Variants in ERBB4 observed in about 807,000 individuals in gnomAD.
ERBB4 encodes erb-b2 receptor tyrosine kinase 4.
In ERBB4, 42 loss-of-function variants were observed where a neutral mutation model predicts 158.0. That is an observed-to-expected ratio of 0.27 (90% CI 0.21 to 0.34). The LOEUF is 0.34. Ranked by LOEUF, ERBB4 falls within the 10% of genes least tolerant of loss-of-function variation. ERBB4 has a pLI of 1.00. For synonymous variants in ERBB4, 583 were observed against 558.7 expected (o/e 1.04, Z -0.61); for missense variants, 1,333 against 1,624.1 (o/e 0.82, Z 3.08).
intron 2 of ERBB4, among the ~76,000 whole-genome samples, chr2:212,034,977 A>G (rs2076980919): frequency 6.6e-6 from 1 of 152,170 alleles, no homozygotes; most frequent in Non-Finnish European, 1.5e-5. Context: ...TTCCTTGCTG[A>G]TTCATTATTT....
chr2:212,229,986 A>G (rs1450483000), intron 1 of ERBB4, among the ~76,000 whole-genome samples: 1 of 152,182 alleles, frequency 6.6e-6, no homozygotes, highest in African/African-American at 2.4e-5. Context: ...AACAGAAATC[A>G]GAATATAGGC....
At chr2:211,716,324 T>G (rs1313171099) in intron 7 of ERBB4, among the ~76,000 whole-genome samples, 1 of 126,738 alleles carries the variant, frequency 7.9e-6, no homozygotes, top group Admixed American at 8.9e-5. Context: ...ATTGTGCCAT[T>G]GCACTCCAGC....
At chr2:212,353,435 G>T (rs1189860912) in intron 1 of ERBB4, among the ~76,000 whole-genome samples, 1 of 148,232 alleles carries the variant, frequency 6.7e-6, no homozygotes, top group East Asian at 2.0e-4. Context: ...ATAAATAAAA[G>T]TATACAATAT....
chr2:212,458,839 G>T (rs1156823170), intron 1 of ERBB4, among the ~76,000 whole-genome samples: 1 of 152,112 alleles, frequency 6.6e-6, no homozygotes, highest in East Asian at 1.9e-4. Flanking sequence ...ATATATTTGG[G>T]TCGGAAAAGA....
At chr2:211,832,088 A>C (rs2077233692) in intron 3 of ERBB4, among the ~76,000 whole-genome samples, 1 of 152,220 alleles carries the variant, frequency 6.6e-6, no homozygotes, top group African/African-American at 2.4e-5. Flanking sequence ...TTGAAAGTAA[A>C]AGGTGAATAA....
Position 211,834,181 on chromosome 2 carries a change from A to G in ERBB4, c.422-46022T>C, listed in dbSNP as rs909339703. Among the ~76,000 whole-genome samples, 4 of 152,292 alleles carry G rather than the reference A, an allele frequency of 2.6e-5. No individual in the cohort carries two copies. In the South Asian group the frequency reaches 8.3e-4, roughly 32 times the overall value. Reference sequence around the variant, plus strand: ...ATCAGAGAAATTACCATATAACACAATTGAAATAGGCTAGTTGAAAGGAAA... The same window carrying G: ...ATCAGAGAAATTACCATATAACACAGTTGAAATAGGCTAGTTGAAAGGAAA... On this transcript the variant is annotated intron_variant, in intron 3 of 27. Transcript: ENST00000342788.
At chr2:212,424,022 CAATT>C (rs1419120392) in intron 1 of ERBB4, among the ~76,000 whole-genome samples, 1 of 152,060 alleles carries the variant, frequency 6.6e-6, no homozygotes, top group Non-Finnish European at 1.5e-5. Context: ...ATACAATCTA[CAATT>C]ATTAATTAAT....
intron 1 of ERBB4, among the ~76,000 whole-genome samples, chr2:212,156,537 C>T (rs1575718671): frequency 6.6e-6 from 1 of 152,108 alleles, no homozygotes; most frequent in African/African-American, 2.4e-5. Flanking sequence ...ATTCAGTATT[C>T]AAATATTTTA....
Position 211,860,569 on chromosome 2 carries a change from G to T in ERBB4, c.422-72410C>A, listed in dbSNP as rs537847146. 1.9e-3 allele frequency among the ~76,000 whole-genome samples: 291 copies of T among 152,142 alleles called. 2 individuals are homozygous for T. The highest frequency in any genetic ancestry group is 7.9e-4 in the Non-Finnish European group (54 of 67,986). ...TACCTAGGCCTCTTAGCTTGCAAGT[G>T]ATTCACACATTATAAGTCTGTAATG... is the stretch of plus-strand genomic sequence containing the variant. On this transcript the variant is annotated intron_variant, in intron 3 of 27. Coordinates refer to ENST00000342788, the MANE Select transcript of ERBB4 (RefSeq NM_005235.3).
intron 4 of ERBB4, among the ~76,000 whole-genome samples, chr2:211,780,928 CT>C (rs1417731083): frequency 1.3e-5 from 2 of 152,068 alleles, no homozygotes; most frequent in Non-Finnish European, 2.9e-5. Flanking sequence ...TTAAAAATAT[CT>C]TTTGAAAACA....
At chr2:212,478,037 A>G (rs909285357) in intron 1 of ERBB4, among the ~76,000 whole-genome samples, 2 of 152,128 alleles carry the variant, frequency 1.3e-5, no homozygotes, top group African/African-American at 2.4e-5. Flanking sequence ...AGCTTTGACC[A>G]TGGCCAGTAA....
chr2:212,180,527 T>A (rs2081825543), intron 1 of ERBB4, among the ~76,000 whole-genome samples: 1 of 151,674 alleles, frequency 6.6e-6, no homozygotes, highest in African/African-American at 2.4e-5. Flanking sequence ...GACAGGTTTA[T>A]ATTTATAGGT....
At position 212,374,021 on chromosome 2, in the gene ERBB4, C is replaced by CAT. The variant is rs71054202; in HGVS notation, c.82+164426_82+164427dup. Among the ~76,000 whole-genome samples the CAT allele has an allele frequency of 3.5e-4, 27 of 77,562 alleles. 1 individual carries two copies. The highest frequency in any genetic ancestry group is 1.3e-3 in the East Asian group (5 of 3,710). 50.9% of individuals were successfully genotyped at this position (77,562 alleles called of 152,430 possible). A position where few individuals can be genotyped will look rare whatever the true frequency, so the allele number is the denominator to read the frequency against. On this transcript the variant is annotated intron_variant, in intron 1 of 27. Coordinates refer to ENST00000342788, the MANE Select transcript of ERBB4 (RefSeq NM_005235.3). ...CCATATATATATATCCATATATATC[C>CAT]ATATATATATATCCATATATATCCA...
intron 1 of ERBB4, among the ~76,000 whole-genome samples, chr2:212,469,407 C>T (rs532546159): frequency 6.6e-6 from 1 of 152,246 alleles, no homozygotes; most frequent in South Asian, 2.1e-4. Flanking sequence ...TATTTCTACA[C>T]TAACTGTAAA....
chr2:212,298,083 G>C (rs540919967), intron 1 of ERBB4, among the ~76,000 whole-genome samples: 2 of 151,746 alleles, frequency 1.3e-5, no homozygotes, highest in African/African-American at 2.4e-5. Flanking sequence ...ACTACAATTT[G>C]TTTTCACTAA....
At chr2:212,384,674 G>A (rs1370789980) in intron 1 of ERBB4, among the ~76,000 whole-genome samples, 1 of 151,272 alleles carries the variant, frequency 6.6e-6, no homozygotes. Context: ...AGCACAAAAT[G>A]GCAATAATTT....
intron 1 of ERBB4, among the ~76,000 whole-genome samples, chr2:212,404,241 A>C (rs542170033): frequency 2.4e-4 from 37 of 152,200 alleles, no homozygotes; most frequent in African/African-American, 8.9e-4. Flanking sequence ...AGTCAAGACT[A>C]GAATTACTTT....
At chr2:212,526,770 A>C (rs1692471584) in intron 1 of ERBB4, among the ~76,000 whole-genome samples, 1 of 152,094 alleles carries the variant, frequency 6.6e-6, no homozygotes. Flanking sequence ...TTTAAATGAC[A>C]TTAAAAGAAT....
chr2:212,465,480 T>A (rs184107835), intron 1 of ERBB4, among the ~76,000 whole-genome samples: 18 of 152,300 alleles, frequency 1.2e-4, no homozygotes, highest in African/African-American at 4.3e-4. Context: ...ATTTACAAAG[T>A]GTTTTCCTAC....
Sources: allele counts gnomAD v4.1 joint callset (sites outside exome capture counted in the v4.1 genomes callset), GRCh38; gene constraint gnomAD v4.1.1; transcripts MANE v1.5; gene names NCBI Gene and HGNC (gene_info 2026-07-23, HGNC 2026-07-21).